The following CREG1 variants were observed in gnomAD, a reference collection of about 807,000 sequenced individuals.
The protein encoded by CREG1 is protein CREG1.
Under a neutral mutation model 19.9 loss-of-function variants are expected in CREG1, and 20 were observed. The observed-to-expected ratio is 1.01, with a 90% CI of 0.71 to 1.46. CREG1 has a LOEUF of 1.46. Among genes scored for constraint, CREG1 ranks in the 40% most tolerant of loss-of-function variants. The pLI, the probability that CREG1 is intolerant of heterozygous loss-of-function variation, is 0.00. For missense variants in CREG1, 290 were observed against 314.9 expected, an observed-to-expected ratio of 0.92 and a Z score of 0.60; for synonymous variants, 141 against 143.3, an observed-to-expected ratio of 0.98 and a Z score of 0.12.
intron 1 of CREG1, 108 bp from the exon 2 acceptor site, chr1:167,548,229 C>T (rs558450486): frequency 1.6e-5 from 12 of 751,262 alleles, no homozygotes; most frequent in East Asian, 7.9e-5. Context: ...TGGTCTTCCA[C>T]GAAACAATGA....
chr1:167,546,127 T>C lies in CREG1; in HGVS notation c.633A>G (p.Pro211=). 3 of 1,608,534 alleles carry C rather than the reference T, an allele frequency of 1.9e-6. No homozygotes were observed. The highest frequency in any genetic ancestry group is 2.5e-6 in the Non-Finnish European group (3 of 1,178,106). The change falls in exon 3 of 4, where the codon CCA becomes CCG. Residue 211 remains proline, a synonymous_variant. Coordinates refer to ENST00000370509, the MANE Select transcript of CREG1 (RefSeq NM_003851.3). The stretch of plus-strand genomic sequence containing the variant: ...GAACTGTGACATTATAATATTCTTC[T>C]GGTGTCACGATTTTTGGTCCACCAA... ...DYFGGPKIVT[P]EEYYNVTVQ
Position 167,553,395 on chromosome 1 carries a change from T to C in CREG1, c.347A>G (p.Asn116Ser). 7.0e-7 allele frequency: 1 copy of C among 1,424,622 alleles called. No individual in the cohort carries two copies. Among genetic ancestry groups the C allele is most frequent in the Non-Finnish European group, 9.2e-7 (1 of 1,092,646 alleles). The allele number at this position is 1,424,622 out of a possible 1,614,324, so 88.2% of individuals were successfully genotyped here. A position where few individuals can be genotyped will look rare whatever the true frequency, so the allele number is the denominator to read the frequency against. ...CCGCGGGCCCCAGCTCACCTGCAGGTTGCTCACGGAGAGCTGCAGCGGGCT... is the reference window on the plus strand; with the variant it reads ...CCGCGGGCCCCAGCTCACCTGCAGGCTGCTCACGGAGAGCTGCAGCGGGCT... ...YLSPLQLSVS[N>S]LQENPYATLT... The change falls in exon 1 of 4, where the codon AAC becomes AGC. Residue 116 changes from asparagine (N) to serine (S), a missense_variant. Physicochemically the swap from Asn to Ser is conservative, Grantham distance 46. Transcript: ENST00000370509.
At chr1:167,547,385 G>A (rs1656347259) in intron 2 of CREG1, among the ~76,000 whole-genome samples, 1 of 152,182 alleles carries the variant, frequency 6.6e-6, no homozygotes, top group African/African-American at 2.4e-5. Flanking sequence ...AAATGTAATG[G>A]AGAGTAGAGG....
Position 167,553,405 on chromosome 1 carries a change from AGAGCT to A in CREG1, c.332_336del (p.Gln111LeufsTer29), listed in dbSNP as rs1004929912. ...CAGCTCACCTGCAGGTTGCTCACGGAGAGCTGCAGCGGGCTCAGGTAGAAATAGGG... is the reference window on the plus strand; with the variant it reads ...CAGCTCACCTGCAGGTTGCTCACGGAGCAGCGGGCTCAGGTAGAAATAGGG... On this transcript the variant is annotated frameshift_variant, in exon 1 of 4. Transcript: ENST00000370509. LOFTEE classifies it high-confidence loss of function. The A allele has an allele frequency of 1.5e-5, 21 of 1,439,668 alleles. No homozygotes were observed. The highest frequency in any genetic ancestry group is 1.8e-5 in the Non-Finnish European group (20 of 1,101,070). The allele number at this position is 1,439,668 out of a possible 1,614,324, so 89.2% of individuals were successfully genotyped here.
In CREG1 at chr1:167,541,501, A is replaced by G. The variant is rs1656222510; in HGVS notation, c.*797T>C. 6.6e-6 allele frequency: 1 copy of G among 152,236 alleles called. No individual in the cohort carries two copies. 9.4% of individuals were successfully genotyped at this position (152,236 alleles called of 1,614,324 possible). A position where few individuals can be genotyped will look rare whatever the true frequency, so the allele number is the denominator to read the frequency against. ...CTGGGTAAACTTTACTTATAAAAGA[A>G]TACCAGGAACACACAAAATATTCTT... On this transcript the variant is annotated 3_prime_UTR_variant, in exon 4 of 4. Transcript: ENST00000370509.
In CREG1 at chr1:167,546,051, G is replaced by A. The variant is rs201262773; in HGVS notation, c.659+50C>T. On this transcript the variant is annotated intron_variant, in intron 3 of 3. Coordinates refer to ENST00000370509, the MANE Select transcript of CREG1 (RefSeq NM_003851.3). The stretch of plus-strand genomic sequence containing the variant: ...AACCCCCCTTGCCTTAGAAGGCTGA[G>A]GATGGCTGTAAGGGCGGCAATCTTA... The A allele has an allele frequency of 6.0e-6, 9 of 1,499,146 alleles. No homozygotes were observed. In the East Asian group the frequency reaches 2.1e-4, roughly 35 times the overall value. The allele number at this position is 1,499,146 out of a possible 1,614,324, so 92.9% of individuals were successfully genotyped here.
intron 2 of CREG1, among the ~76,000 whole-genome samples, chr1:167,547,371 T>G (rs577187179): frequency 7.2e-5 from 11 of 152,188 alleles, no homozygotes; most frequent in Non-Finnish European, 1.6e-4. Flanking sequence ...ATTATACCAA[T>G]GTAAAATGTA....
intron 2 of CREG1, among the ~76,000 whole-genome samples, chr1:167,547,506 TA>T (rs1656349698): frequency 6.6e-6 from 1 of 152,222 alleles, no homozygotes; most frequent in Non-Finnish European, 1.5e-5. Context: ...ATATCTTATT[TA>T]ACACCTATAT....
In CREG1 at chr1:167,546,135, C is replaced by T. The variant is rs370827236; in HGVS notation, c.625G>A (p.Val209Met). The stretch of plus-strand genomic sequence containing the variant: ...ACATTATAATATTCTTCTGGTGTCA[C>T]GATTTTTGGTCCACCAAAGTAGTCC... ...VLDYFGGPKI[V>M]TPEEYYNVTV... is the part of the protein sequence containing the mutation. The change falls in exon 3 of 4, where the codon GTG (valine) becomes ATG (methionine). Residue 209 changes from valine (V) to methionine (M), a missense_variant. Transcript: ENST00000370509. 4.8e-5 allele frequency: 77 copies of T among 1,608,826 alleles called. No homozygotes were observed. Among genetic ancestry groups the T allele is most frequent in the Middle Eastern group, 1.7e-4 (1 of 6,056 alleles).
At chr1:167,542,909 C>T (rs1656250179) in intron 3 of CREG1, among the ~76,000 whole-genome samples, 1 of 152,214 alleles carries the variant, frequency 6.6e-6, no homozygotes, top group East Asian at 1.9e-4. Flanking sequence ...AAACATGCTG[C>T]TGCCCAGACT....
intron 2 of CREG1, among the ~76,000 whole-genome samples, chr1:167,546,500 G>A (rs1656328211): frequency 6.6e-6 from 1 of 152,058 alleles, no homozygotes. Flanking sequence ...AAATTAGCCA[G>A]ATGTGGTGGT....
intron 2 of CREG1, 132 bp downstream of exon 2, chr1:167,547,870 G>C (rs943793055): frequency 3.1e-6 from 3 of 970,094 alleles, no homozygotes; most frequent in African/African-American, 1.6e-5. Context: ...GCAGTAAGCC[G>C]AGATCACACC....
Position 167,553,742 on chromosome 1 carries a change from G to C in CREG1, c.-1C>G. 3 of 1,278,008 alleles carry C rather than the reference G, an allele frequency of 2.3e-6. No individual in the cohort carries two copies. Among genetic ancestry groups the C allele is most frequent in the Non-Finnish European group, 3.0e-6 (3 of 1,013,554 alleles). The allele number at this position is 1,278,008 out of a possible 1,614,324, so 79.2% of individuals were successfully genotyped here. A position where few individuals can be genotyped will look rare whatever the true frequency, so the allele number is the denominator to read the frequency against. On this transcript the variant is annotated 5_prime_UTR_variant, in exon 1 of 4. Coordinates refer to ENST00000370509, the MANE Select transcript of CREG1 (RefSeq NM_003851.3). ...CGGACCCGCGGGATAGCCCGGCCAT[G>C]GCGGTGTCTCCAGGAAGAGTCCCGG...
At chr1:167,546,654 G>C (rs1656331948) in intron 2 of CREG1, among the ~76,000 whole-genome samples, 1 of 151,524 alleles carries the variant, frequency 6.6e-6, no homozygotes, top group African/African-American at 2.4e-5. Context: ...AAAAAAAAAA[G>C]AATGTGTGAC....
rs2102153879 is a variant in CREG1 at position 167,553,389 on chromosome 1, T to C, written c.353A>G (p.Gln118Arg). The C allele has an allele frequency of 2.8e-6, 4 of 1,417,712 alleles. No individual in the cohort carries two copies. Among genetic ancestry groups the C allele is most frequent in the South Asian group, 1.4e-5 (1 of 69,390 alleles). The allele number at this position is 1,417,712 out of a possible 1,614,324, so 87.8% of individuals were successfully genotyped here. Residue 118 changes from glutamine to arginine, a missense_variant and splice_region_variant, in exon 1 of 4, where the codon CAG becomes CGG. Physicochemically the swap from Gln to Arg is conservative, Grantham distance 43. Transcript: ENST00000370509. The stretch of plus-strand genomic sequence containing the variant: ...GGGAAGCCGCGGGCCCCAGCTCACC[T>C]GCAGGTTGCTCACGGAGAGCTGCAG... ...SPLQLSVSNL[Q>R]ENPYATLTMT...
At chr1:167,542,780 G>C (rs773414038) in intron 3 of CREG1, among the ~76,000 whole-genome samples, 2 of 152,124 alleles carry the variant, frequency 1.3e-5, no homozygotes, top group Non-Finnish European at 2.9e-5. Flanking sequence ...CACCAACCAG[G>C]GAATCCATCT....
At chr1:167,551,394 C>T (rs1165136724) in intron 1 of CREG1, among the ~76,000 whole-genome samples, 1 of 152,154 alleles carries the variant, frequency 6.6e-6, no homozygotes, top group Non-Finnish European at 1.5e-5. Flanking sequence ...CTAATGTGGC[C>T]ACTTCTTTTC....
chr1:167,544,148 G>A (rs892825627), intron 3 of CREG1, among the ~76,000 whole-genome samples: 4 of 152,136 alleles, frequency 2.6e-5, no homozygotes, highest in Non-Finnish European at 2.9e-5. Flanking sequence ...CCCAGAAGAC[G>A]ACCAGTGGCC....
At chr1:167,543,969 C>A (rs1558046287) in intron 3 of CREG1, among the ~76,000 whole-genome samples, 1 of 152,248 alleles carries the variant, frequency 6.6e-6, no homozygotes, top group Non-Finnish European at 1.5e-5. Context: ...TGCCTTTGGG[C>A]ATGTTATTTA....
Sources: allele counts gnomAD v4.1 joint callset (sites outside exome capture counted in the v4.1 genomes callset), GRCh38; gene constraint gnomAD v4.1.1; transcripts MANE v1.5; gene names NCBI Gene and HGNC (gene_info 2026-07-23, HGNC 2026-07-21).